The following ARRB1 variants were observed in gnomAD, a reference collection of about 807,000 sequenced individuals.
ARRB1 encodes the protein beta-arrestin-1.
ARRB1 carries 21 observed loss-of-function variants against 56.8 expected under a neutral mutation model. The observed-to-expected ratio is 0.37, with a 90% CI of 0.26 to 0.53. The LOEUF (loss-of-function observed/expected upper bound fraction) is 0.53. Ranked by LOEUF, ARRB1 falls within the 20% of genes least tolerant of loss-of-function variation. The pLI is 0.88. For missense variants in ARRB1, 424 were observed against 553.7 expected (o/e 0.77, Z 2.35); for synonymous variants, 210 against 218.6 (o/e 0.96, Z 0.35).
chr11:75,349,438 T>C (rs1233364482), intron 1 of ARRB1, among the ~76,000 whole-genome samples: 2 of 152,214 alleles, frequency 1.3e-5, no homozygotes, highest in African/African-American at 2.4e-5. Context: ...GGAAAATACC[T>C]TGGCCTCAGA....
In ARRB1 at chr11:75,261,475, T is replaced by G. The variant is rs1478773836; in HGVS notation, c.*4688A>C. 1 of 152,178 alleles carries G rather than the reference T, an allele frequency of 6.6e-6. No homozygotes were observed. The highest frequency in any genetic ancestry group is 2.4e-5 in the African/African-American group (1 of 41,430). The allele number at this position is 152,178 out of a possible 1,614,324, so 9.4% of individuals were successfully genotyped here. ...GGAGGAGGGCTGGAAACCTATCCTT[T>G]GCCTCCACTCCCATCTTCCCACTTT... On this transcript the variant is annotated 3_prime_UTR_variant, in exon 16 of 16. Coordinates refer to ENST00000420843, the MANE Select transcript of ARRB1 (RefSeq NM_004041.5).
At chr11:75,312,177 G>C in intron 1 of ARRB1, 1 of 1,281,302 alleles carries the variant, frequency 7.8e-7, no homozygotes, top group South Asian at 1.2e-5. Flanking sequence ...CCGGGGAGTG[G>C]TGAGCTCAGC....
chr11:75,342,920 G>A (rs1472598252), intron 1 of ARRB1, among the ~76,000 whole-genome samples: 1 of 152,098 alleles, frequency 6.6e-6, no homozygotes, highest in Non-Finnish European at 1.5e-5. Context: ...TGCCCTTTAG[G>A]TCACAAAGAA....
chr11:75,281,840 C>T, intron 6 of ARRB1, 122 bp downstream of exon 6: 1 of 1,035,274 alleles, frequency 9.7e-7, no homozygotes, highest in Non-Finnish European at 1.4e-6. Flanking sequence ...TTAGCCTAGA[C>T]ACAAAGACTG....
chr11:75,281,229 GGACACTGGAC>G, intron 6 of ARRB1, 87 bp from the exon 7 acceptor site: 1 of 1,268,342 alleles, frequency 7.9e-7, no homozygotes. Flanking sequence ...TTACAAACGA[GGACACTGGAC>G]AGGAACACCA....
chr11:75,282,557 A>G (rs1040360162), intron 5 of ARRB1, among the ~76,000 whole-genome samples: 2 of 152,200 alleles, frequency 1.3e-5, no homozygotes, highest in Non-Finnish European at 2.9e-5. Context: ...GCAATGCTGG[A>G]AAAGGTGGAC....
chr11:75,306,413 T>C (rs1239666708), intron 1 of ARRB1: 1 of 465,686 alleles, frequency 2.1e-6, no homozygotes, highest in Non-Finnish European at 4.2e-6. Flanking sequence ...TTCCTCCCTG[T>C]GTTCTCCATC....
At chr11:75,278,586 C>T (rs2038255247) in intron 8 of ARRB1, 23 bp downstream of exon 8, 2 of 1,613,700 alleles carry the variant, frequency 1.2e-6, no homozygotes, top group Non-Finnish European at 1.7e-6. Context: ...GCCCCCACCC[C>T]CTGCCAAGTC....
At chr11:75,335,298 A>T (rs1328841469) in intron 1 of ARRB1, 1 of 169,864 alleles carries the variant, frequency 5.9e-6, no homozygotes, top group East Asian at 1.9e-4. Context: ...GAAGAAGCAG[A>T]TCTTGGCCGG....
intron 1 of ARRB1, among the ~76,000 whole-genome samples, chr11:75,311,047 G>C (rs937568178): frequency 6.6e-6 from 1 of 152,174 alleles, no homozygotes. Context: ...GTTATAAAGA[G>C]ACCACAGGGC....
At chr11:75,269,527 C>T (rs575479398) in intron 13 of ARRB1, among the ~76,000 whole-genome samples, 4 of 152,346 alleles carry the variant, frequency 2.6e-5, no homozygotes, top group African/African-American at 4.8e-5. Flanking sequence ...AGGCTGATTA[C>T]ACTGTGGGGA....
chr11:75,290,377 C>T (rs938651013), intron 1 of ARRB1, among the ~76,000 whole-genome samples: 5 of 152,164 alleles, frequency 3.3e-5, no homozygotes, highest in Admixed American at 2.6e-4. Context: ...CCCTCACCTC[C>T]CGGTGTCACC....
rs1946221801 is a variant in ARRB1, at chr11:75,277,291, T to C, written c.703+73A>G. The C allele has an allele frequency of 1.1e-5, 16 of 1,434,222 alleles. No individual in the cohort carries two copies. In the South Asian group the frequency reaches 1.5e-4, roughly 14 times the overall value. The allele number at this position is 1,434,222 out of a possible 1,614,324, so 88.8% of individuals were successfully genotyped here. ...ATACAAGGCTGTTAACAAGGGGAGA[T>C]ACTTCAGCCACCCCCAGCCCTTGGG... On this transcript the variant is annotated intron_variant, in intron 9 of 15. Coordinates refer to ENST00000420843, the MANE Select transcript of ARRB1 (RefSeq NM_004041.5).
At chr11:75,343,454 C>T (rs1369405155) in intron 1 of ARRB1, among the ~76,000 whole-genome samples, 1 of 152,172 alleles carries the variant, frequency 6.6e-6, no homozygotes, top group Non-Finnish European at 1.5e-5. Context: ...GTTAGGGAGG[C>T]AGGGCCGGTG....
intron 1 of ARRB1, among the ~76,000 whole-genome samples, chr11:75,292,636 G>A (rs1024500432): frequency 2.0e-5 from 3 of 152,112 alleles, no homozygotes; most frequent in South Asian, 2.1e-4. Context: ...CAGAAGCCTC[G>A]GGAGCCCATG....
chr11:75,283,535 C>A, intron 4 of ARRB1, 52 bp from the exon 5 acceptor site: 1 of 1,511,008 alleles, frequency 6.6e-7, no homozygotes, highest in Non-Finnish European at 8.9e-7. Flanking sequence ...AGCAAGCGAG[C>A]CCCCCAGAGT....
intron 10 of ARRB1, 25 bp downstream of exon 10, chr11:75,276,814 C>A: frequency 6.2e-7 from 1 of 1,613,098 alleles, no homozygotes; most frequent in Non-Finnish European, 8.5e-7. Context: ...CCCATACGCC[C>A]AAGGCCAGAC....
intron 6 of ARRB1, 67 bp downstream of exon 6, chr11:75,281,895 G>C (rs1946351197): frequency 6.6e-7 from 1 of 1,524,808 alleles, no homozygotes; most frequent in Non-Finnish European, 9.1e-7. Flanking sequence ...CTCCCAGGGA[G>C]AAAGCCAGGG....
intron 1 of ARRB1, among the ~76,000 whole-genome samples, chr11:75,326,724 C>CTTT (rs34937667): frequency 1.1e-4 from 14 of 123,794 alleles, no homozygotes; most frequent in South Asian, 2.7e-4. Flanking sequence ...AAATTACTGT[C>CTTT]TTTTTTTTTT....
Sources: allele counts gnomAD v4.1 joint callset (sites outside exome capture counted in the v4.1 genomes callset), GRCh38; gene constraint gnomAD v4.1.1; transcripts MANE v1.5; gene names NCBI Gene and HGNC (gene_info 2026-07-23, HGNC 2026-07-21).